Variants in HLA-DQB2 observed in about 807,000 individuals in gnomAD.
The protein encoded by HLA-DQB2 is major histocompatibility complex, class II, DQ beta 2.
In HLA-DQB2, 24 loss-of-function variants were observed where a neutral mutation model predicts 29.2. The observed-to-expected ratio is 0.82, with a 90% confidence interval of 0.60 to 1.16. The LOEUF (loss-of-function observed/expected upper bound fraction) is 1.16. Among genes scored for constraint, HLA-DQB2 ranks in the 50% most tolerant of loss-of-function variants. The pLI, the probability that HLA-DQB2 is intolerant of heterozygous loss-of-function variation, is 0.00. For missense variants in HLA-DQB2, 273 were observed against 343.6 expected (o/e 0.79, Z 1.62); for synonymous variants, 104 against 133.1 (o/e 0.78, Z 1.51).
Position 32,758,924 on chromosome 6 carries a change from G to A in HLA-DQB2, c.572C>T (p.Thr191Ile). ...TFQILVMLEI[T>I]PQRGDIYTCQ... ...GGTGTAGATGTCTCCACGCTGGGGA[G>A]TTATTTCCAGCATCACCAGAATCTG... The change falls in exon 3 of 6, where the codon ACT (threonine) becomes ATT (isoleucine). Residue 191 changes from threonine to isoleucine, a missense_variant. Transcript: ENST00000437316. The A allele has an allele frequency of 6.2e-7, 1 of 1,614,006 alleles. No homozygotes were observed. The highest frequency in any genetic ancestry group is 8.5e-7 in the Non-Finnish European group (1 of 1,179,962).
In HLA-DQB2 at chr6:32,756,466, C is replaced by G. The variant is rs1332583760; in HGVS notation, c.782G>C (p.Gly261Ala). The change falls in exon 6 of 6, where the codon GGA (glycine) becomes GCA (alanine). Residue 261 changes from glycine to alanine, a missense_variant and splice_region_variant. Coordinates refer to ENST00000437316, the MANE Select transcript of HLA-DQB2 (RefSeq NM_001300790.2). ...AGTCCTCAGGAGTCAGTGCAGGAGT[C>G]CTGGAGAAGAGAGACGAGGCATGAT... ...QKGPRGPPPA[G>A]LLH 6.4e-7 allele frequency: 1 copy of G among 1,570,322 alleles called. No individual in the cohort carries two copies. Among genetic ancestry groups the G allele is most frequent in the South Asian group, 1.2e-5 (1 of 86,724 alleles).
Position 32,758,860 on chromosome 6 carries a change from G to T in HLA-DQB2, c.636C>A (p.Thr212=), listed in dbSNP as rs750074923. 3.1e-6 allele frequency: 5 copies of T among 1,613,264 alleles called. No individual in the cohort carries two copies. The highest frequency in any genetic ancestry group is 4.2e-6 in the Non-Finnish European group (5 of 1,179,510). The change falls in exon 3 of 6, where the codon ACC becomes ACA. Residue 212 remains threonine (T), a synonymous_variant. Coordinates refer to ENST00000437316, the MANE Select transcript of HLA-DQB2 (RefSeq NM_001300790.2). The stretch of plus-strand genomic sequence containing the variant: ...CCAGTTTCCCCTTACGCCACTCCAC[G>T]GTGATGGGGCTCTGGAGGCTGGGGT... ...VEHPSLQSPI[T]VEWRAQSESA...
At chr6:32,758,767 A>C in intron 3 of HLA-DQB2, 83 bp downstream of exon 3, 3 of 1,495,786 alleles carry the variant, frequency 2.0e-6, no homozygotes, top group Non-Finnish European at 2.7e-6. Flanking sequence ...GTCAGGGACA[A>C]GAGATGGGAT....
chr6:32,757,925 C>G (rs745544748), intron 3 of HLA-DQB2, 42 bp from the exon 4 acceptor site: 12 of 1,565,554 alleles, frequency 7.7e-6, no homozygotes, highest in Non-Finnish European at 9.6e-6. Flanking sequence ...CCCCACACCC[C>G]ATAATGTCCT....
At chr6:32,762,207 C>A (rs561943237) in intron 1 of HLA-DQB2, among the ~76,000 whole-genome samples, 20 of 152,304 alleles carry the variant, frequency 1.3e-4, no homozygotes, top group Admixed American at 3.9e-4. Flanking sequence ...GCCTGTGAAC[C>A]AAGTGAAGAG....
chr6:32,763,501 A>T lies in HLA-DQB2; in HGVS notation c.-31T>A, dbSNP rs978719367. 4.0e-5 allele frequency: 56 copies of T among 1,415,626 alleles called. No homozygotes were observed. Among genetic ancestry groups the T allele is most frequent in the African/African-American group, 5.7e-5 (4 of 70,788 alleles). The allele number at this position is 1,415,626 out of a possible 1,614,324, so 87.7% of individuals were successfully genotyped here. A position where few individuals can be genotyped will look rare whatever the true frequency, so the allele number is the denominator to read the frequency against. On this transcript the variant is annotated 5_prime_UTR_variant, in exon 1 of 6. Transcript: ENST00000437316. ...AAGACGTAAGTGAGACCAAGGAAAA[A>T]GCAGTGGTAGTCAACACAGCTCAAA...
chr6:32,761,616 G>A, intron 2 of HLA-DQB2, 44 bp downstream of exon 2: 1 of 1,512,574 alleles, frequency 6.6e-7, no homozygotes, highest in South Asian at 1.3e-5. Context: ...AGAGACTCGG[G>A]CCCCGGCCAA....
intron 3 of HLA-DQB2, among the ~76,000 whole-genome samples, chr6:32,758,467 C>T (rs1764473883): frequency 6.6e-6 from 1 of 152,230 alleles, no homozygotes; most frequent in African/African-American, 2.4e-5. Context: ...AGCCACTATG[C>T]TTCCCCTACA....
chr6:32,757,253 C>G, intron 5 of HLA-DQB2, 28 bp downstream of exon 5: 3 of 1,550,482 alleles, frequency 1.9e-6, no homozygotes, highest in Non-Finnish European at 2.6e-6. Context: ...TGCCCTCTCC[C>G]CTGACTGGAT....
chr6:32,762,051 T>C (rs1764892224), intron 1 of HLA-DQB2, 125 bp from the exon 2 acceptor site: 10 of 1,286,116 alleles, frequency 7.8e-6, no homozygotes, highest in East Asian at 5.1e-5. Context: ...CCACGCGAAA[T>C]TGAGTTCTTG....
chr6:32,760,745 G>T (rs1411111868), intron 2 of HLA-DQB2, among the ~76,000 whole-genome samples: 1 of 152,232 alleles, frequency 6.6e-6, no homozygotes, highest in African/African-American at 2.4e-5. Context: ...GCTTTTCTAA[G>T]AAATTAAAAC....
intron 5 of HLA-DQB2, 171 bp downstream of exon 5, chr6:32,757,110 C>T (rs1267876657): frequency 1.3e-5 from 19 of 1,443,890 alleles, no homozygotes; most frequent in Non-Finnish European, 1.8e-5. Context: ...ACCTCTGCCT[C>T]CTGGGTTCAA....
intron 2 of HLA-DQB2, among the ~76,000 whole-genome samples, chr6:32,760,623 G>A (rs778614797): frequency 5.0e-4 from 76 of 152,340 alleles, no homozygotes; most frequent in Admixed American, 1.0e-3. Flanking sequence ...GTGATGGGGG[G>A]AGGGAGAAAA....
Position 32,756,829 on chromosome 6 carries a change from T to A in HLA-DQB2, c.782-363A>T, listed in dbSNP as rs1051269463. The A allele has an allele frequency of 1.0e-5, 12 of 1,197,166 alleles. No homozygotes were observed. In the African/African-American group the frequency reaches 1.8e-4, roughly 18 times the overall value. The allele number at this position is 1,197,166 out of a possible 1,614,324, so 74.2% of individuals were successfully genotyped here. ...TGGCACAAAGTGGGCATCACCCTAC[T>A]ATCTCACATTCAAGATGTGGCTCTG... On this transcript the variant is annotated intron_variant, in intron 5 of 5. Transcript: ENST00000437316.
At chr6:32,760,571 G>T (rs182446001) in intron 2 of HLA-DQB2, among the ~76,000 whole-genome samples, 15 of 152,316 alleles carry the variant, frequency 9.8e-5, no homozygotes, top group Admixed American at 7.8e-4. Context: ...CTCACTAAGT[G>T]GGTAAAATTG....
rs143716087 is a variant in HLA-DQB2 at position 32,756,981 on chromosome 6, T to C, written c.781+300A>G. ...AACCCTCATAGCAGCAAACAGGCCA[T>C]GAACAGAGACCACTGTGCCCTGGAA... On this transcript the variant is annotated intron_variant, in intron 5 of 5. Transcript: ENST00000437316. 6 of 1,274,702 alleles carry C rather than the reference T, an allele frequency of 4.7e-6. No individual in the cohort carries two copies. The African/African-American group carries it at 7.5e-5, about 16-fold the overall frequency. 79.0% of individuals were successfully genotyped at this position (1,274,702 alleles called of 1,614,324 possible). A position where few individuals can be genotyped will look rare whatever the true frequency, so the allele number is the denominator to read the frequency against.
At chr6:32,759,226 T>A (rs894876882) in intron 2 of HLA-DQB2, 95 bp from the exon 3 acceptor site, 33 of 1,451,166 alleles carry the variant, frequency 2.3e-5, no homozygotes, top group African/African-American at 2.0e-4. Flanking sequence ...GGAACCAGAA[T>A]AGAAAGATAC....
At chr6:32,762,513 C>G (rs1764942975) in intron 1 of HLA-DQB2, among the ~76,000 whole-genome samples, 2 of 132,822 alleles carry the variant, frequency 1.5e-5, no homozygotes, top group Non-Finnish European at 3.4e-5. Flanking sequence ...TAGAAAGGAC[C>G]TACACCTCCG....
At position 32,761,837 on chromosome 6, in the gene HLA-DQB2, C is replaced by A; in HGVS notation, c.187G>T (p.Glu63Ter). Residue 63 changes from glutamate (E) to a stop codon, truncating the protein, a stop_gained, in exon 2 of 6, where the codon GAG becomes TAG. Transcript: ENST00000437316. LOFTEE classifies it high-confidence loss of function. ...RGVARYIYNR[E>*]EYGRFDSDVG... ...TCGCTGTCGAAGCGCCCGTACTCCTCGCGGTTATAGATGTATCTGGCCACA... is the reference window on the plus strand; with the variant it reads ...TCGCTGTCGAAGCGCCCGTACTCCTAGCGGTTATAGATGTATCTGGCCACA... The A allele has an allele frequency of 6.2e-7, 1 of 1,608,442 alleles. No homozygotes were observed. Among genetic ancestry groups the A allele is most frequent in the Non-Finnish European group, 8.5e-7 (1 of 1,177,418 alleles).
Sources: allele counts gnomAD v4.1 joint callset (sites outside exome capture counted in the v4.1 genomes callset), GRCh38; gene constraint gnomAD v4.1.1; transcripts MANE v1.5; gene names NCBI Gene and HGNC (gene_info 2026-07-23, HGNC 2026-07-21).